The following DLG5 variants were observed in gnomAD, a reference collection of about 807,000 sequenced individuals.
The protein encoded by DLG5 is discs large MAGUK scaffold protein 5, also known as disks large homolog 5.
In DLG5, 48 loss-of-function variants were observed where a neutral mutation model predicts 189.8. The observed-to-expected ratio is 0.25, with a 90% CI of 0.20 to 0.32. The LOEUF (loss-of-function observed/expected upper bound fraction) is 0.32. Ranked by LOEUF, DLG5 falls within the 10% of genes least tolerant of loss-of-function variation. The probability of loss-of-function intolerance (pLI) is 1.00; values close to 1 mark genes in which losing one functional copy is unlikely to be tolerated. For synonymous variants in DLG5, 1,016 were observed against 1,054.1 expected, an observed-to-expected ratio of 0.96 and a Z score of 0.70; for missense variants, 2,160 against 2,544.7, an observed-to-expected ratio of 0.85 and a Z score of 3.25.
chr10:77,938,170 A>G, the DLG5 span, among the ~76,000 whole-genome samples: 1 of 151,434 alleles, frequency 6.6e-6, no homozygotes, highest in Non-Finnish European at 1.5e-5. Flanking sequence ...GAGGCAGGGC[A>G]TGGTGGCTCA....
At position 77,847,246 on chromosome 10, in the gene DLG5, G is replaced by A. The variant is rs1184335986; in HGVS notation, c.865-3540C>T. 2.6e-5 allele frequency among the ~76,000 whole-genome samples: 4 copies of A among 152,058 alleles called. No homozygotes were observed. In the East Asian group the frequency reaches 7.7e-4, roughly 29 times the overall value. ...CAGAAGACCGAGAGAGAGAGATCAG[G>A]CCCCGTACTGCTTGCTTCCACCACG... On this transcript the variant is annotated intron_variant, in intron 5 of 31. Transcript: ENST00000372391.
intron 9 of DLG5, among the ~76,000 whole-genome samples, chr10:77,832,712 T>C (rs775231033): frequency 1.3e-5 from 2 of 152,130 alleles, no homozygotes; most frequent in Non-Finnish European, 2.9e-5. Context: ...ACAAGCTGAA[T>C]GCACAAGCTT....
intron 1 of DLG5, among the ~76,000 whole-genome samples, chr10:77,920,360 T>G (rs1277869915): frequency 6.6e-6 from 1 of 152,224 alleles, no homozygotes; most frequent in Non-Finnish European, 1.5e-5. Context: ...CATTACTACC[T>G]AGACCCACCA....
intron 5 of DLG5, among the ~76,000 whole-genome samples, chr10:77,852,710 C>T (rs1327962610): frequency 1.3e-5 from 2 of 152,142 alleles, no homozygotes; most frequent in Admixed American, 1.3e-4. Context: ...CGCACCCAGC[C>T]TTGTCACTGA....
At chr10:77,847,193 C>T (rs1843737472) in intron 5 of DLG5, among the ~76,000 whole-genome samples, 1 of 152,104 alleles carries the variant, frequency 6.6e-6, no homozygotes, top group Non-Finnish European at 1.5e-5. Context: ...CTCCCCCCAG[C>T]CTTCATAACA....
rs1207218536 is a variant in DLG5 at position 77,830,200 on chromosome 10, T to G, written c.2009+17A>C. On this transcript the variant is annotated intron_variant, in intron 11 of 31. Coordinates refer to ENST00000372391, the MANE Select transcript of DLG5 (RefSeq NM_004747.4). The stretch of plus-strand genomic sequence containing the variant: ...AGGGCCCCACCTTGCCTCCAGAGCC[T>G]GGGCCTCAACTCTTACCTTAAGCGG... The G allele has an allele frequency of 3.7e-6, 6 of 1,613,914 alleles. No individual in the cohort carries two copies. The highest frequency in any genetic ancestry group is 5.1e-6 in the Non-Finnish European group (6 of 1,179,980).
chr10:77,827,413 A>T (rs1842690071), intron 13 of DLG5, among the ~76,000 whole-genome samples: 1 of 152,140 alleles, frequency 6.6e-6, no homozygotes, highest in Non-Finnish European at 1.5e-5. Flanking sequence ...TTTAGTAAAG[A>T]CAGGGTTTCA....
At chr10:77,872,764 G>A (rs1844953671) in intron 1 of DLG5, among the ~76,000 whole-genome samples, 1 of 152,050 alleles carries the variant, frequency 6.6e-6, no homozygotes, top group Admixed American at 6.5e-5. Flanking sequence ...TGGGGCGGAG[G>A]GGCAGGTGTC....
chr10:77,851,167 T>A (rs1484819482), intron 5 of DLG5, among the ~76,000 whole-genome samples: 2 of 152,208 alleles, frequency 1.3e-5, no homozygotes, highest in Non-Finnish European at 2.9e-5. Flanking sequence ...GAGCTTTGTT[T>A]TGACACAGCA....
chr10:77,821,033 C>G, intron 15 of DLG5, 49 bp downstream of exon 15: 2 of 1,546,808 alleles, frequency 1.3e-6, no homozygotes, highest in South Asian at 1.2e-5. Context: ...CTTCGGCCAA[C>G]TGCCCCTCTC....
intron 1 of DLG5, among the ~76,000 whole-genome samples, chr10:77,882,073 G>C (rs963092924): frequency 6.6e-6 from 1 of 152,238 alleles, no homozygotes; most frequent in African/African-American, 2.4e-5. Flanking sequence ...AACTCAGCCT[G>C]GGTCTGTAGT....
the DLG5 span, among the ~76,000 whole-genome samples, chr10:77,935,073 G>T: frequency 6.6e-6 from 1 of 152,006 alleles, no homozygotes. Context: ...TAGCCACATG[G>T]TCTCAATCTC....
At chr10:77,933,642 T>A in the DLG5 span, among the ~76,000 whole-genome samples, 3 of 151,830 alleles carry the variant, frequency 2.0e-5, no homozygotes, top group African/African-American at 7.3e-5. Context: ...GAGAATCGCT[T>A]GAACCTGAGA....
In DLG5 at chr10:77,829,387, G is replaced by A. The variant is rs1262719683; in HGVS notation, c.2153C>T (p.Thr718Met). The A allele has an allele frequency of 7.4e-6, 12 of 1,614,184 alleles. No homozygotes were observed. The highest frequency in any genetic ancestry group is 2.2e-5 in the East Asian group (1 of 44,890). Residue 718 changes from threonine (T) to methionine (M), a missense_variant, in exon 12 of 32, where the codon ACG becomes ATG. Thr to Met is a moderately conservative substitution (Grantham distance 81). Coordinates refer to ENST00000372391, the MANE Select transcript of DLG5 (RefSeq NM_004747.4). Reference protein sequence around the residue: ...RRKSLGGKVVTPLHINLSGQK... With the variant: ...RRKSLGGKVVMPLHINLSGQK... ...TCCACTGAGGTTGATGTGCAGCGGC[G>A]TGACCACCTTCCCACCCAGGGACTT...
intron 1 of DLG5, among the ~76,000 whole-genome samples, chr10:77,911,175 T>C (rs1333915060): frequency 6.6e-6 from 1 of 152,080 alleles, no homozygotes; most frequent in Non-Finnish European, 1.5e-5. Context: ...TCCACCCAGG[T>C]TGGAGTGCAC....
chr10:77,807,033 C>A (rs937375645), intron 25 of DLG5, 105 bp from the exon 26 acceptor site: 55 of 1,324,470 alleles, frequency 4.2e-5, no homozygotes, highest in Admixed American at 8.5e-5. Flanking sequence ...CTGCTTTGGG[C>A]TGTCTCCAAA....
At chr10:77,867,921 A>G (rs990399132) in intron 2 of DLG5, 15 of 456,494 alleles carry the variant, frequency 3.3e-5, no homozygotes, top group Non-Finnish European at 6.6e-5. Flanking sequence ...CCTTATTAAA[A>G]GGGGAAATTT....
chr10:77,837,645 T>A (rs1311603114), intron 7 of DLG5, among the ~76,000 whole-genome samples: 1 of 152,236 alleles, frequency 6.6e-6, no homozygotes, highest in Admixed American at 6.5e-5. Flanking sequence ...AGGACCCAAG[T>A]GACGGACTGA....
At chr10:77,801,595 C>T (rs1241365390) in intron 27 of DLG5, among the ~76,000 whole-genome samples, 4 of 152,226 alleles carry the variant, frequency 2.6e-5, no homozygotes. Flanking sequence ...AAGTGCTAAG[C>T]ACCTTCTGAG....
Sources: gnomAD v4.1 joint callset for allele counts (sites outside exome capture counted in the v4.1 genomes callset) on GRCh38, gnomAD v4.1.1 for gene constraint, MANE v1.5 for transcripts, NCBI Gene and HGNC (gene_info 2026-07-23, HGNC 2026-07-21) for gene names.